UNC13A: variants seen among roughly 807,000 people sequenced by gnomAD.
UNC13A encodes protein unc-13 homolog A.
A neutral mutation model predicts 219.7 loss-of-function variants in UNC13A; 61 were observed. That is an observed-to-expected ratio of 0.28 (90% CI 0.23 to 0.34). The LOEUF (loss-of-function observed/expected upper bound fraction) is 0.34. UNC13A is among the 10% of genes least tolerant of loss of function. UNC13A has a pLI of 1.00. For missense variants in UNC13A, 1,476 were observed against 2,270.3 expected (o/e 0.65, Z 7.11); for synonymous variants, 920 against 884.6 (o/e 1.04, Z -0.71).
chr19:17,658,479 G>C (rs548891982), intron 8 of UNC13A, among the ~76,000 whole-genome samples: 106 of 152,260 alleles, frequency 7.0e-4, no homozygotes, highest in Middle Eastern at 3.4e-3. Context: ...GGTCAAATTG[G>C]ACCTAAAGTC....
chr19:17,678,221 G>A (rs551307675), intron 1 of UNC13A, among the ~76,000 whole-genome samples: 1 of 152,292 alleles, frequency 6.6e-6, no homozygotes, highest in South Asian at 2.1e-4. Context: ...GCTCATGCCT[G>A]TAATCCCAGC....
At chr19:17,608,654 A>C (rs2076566577) in intron 43 of UNC13A, among the ~76,000 whole-genome samples, 1 of 150,830 alleles carries the variant, frequency 6.6e-6, no homozygotes, top group Non-Finnish European at 1.5e-5. Flanking sequence ...AGTAGCTGGG[A>C]CTACAGGCGC....
In UNC13A at chr19:17,621,992, G is replaced by A; in HGVS notation, c.4204-122C>T. 3 of 957,954 alleles carry A rather than the reference G, an allele frequency of 3.1e-6. No homozygotes were observed. The South Asian group carries it at 4.0e-5, about 13-fold the overall frequency. The allele number at this position is 957,954 out of a possible 1,614,324, so 59.3% of individuals were successfully genotyped here. On this transcript the variant is annotated intron_variant, in intron 36 of 43. Coordinates refer to ENST00000519716, the MANE Select transcript of UNC13A (RefSeq NM_001080421.3). ...ACACTGCACAGGGTACTGGTGACTG[G>A]GTTGCATGGGGATAGTGTGTTTGTG...
In UNC13A at chr19:17,604,638, C is replaced by A. The variant is rs1238323479; in HGVS notation, c.*1416G>T. ...AGCAGAAAAAGGCGTGCCATACACA[C>A]ATGTGGAAAAGCAGATCCCAGAGCA... On this transcript the variant is annotated 3_prime_UTR_variant, in exon 44 of 44. Transcript: ENST00000519716. The A allele has an allele frequency of 6.6e-6, 1 of 152,442 alleles. No individual in the cohort carries two copies. Among genetic ancestry groups the A allele is most frequent in the East Asian group, 1.9e-4 (1 of 5,190 alleles). The allele number at this position is 152,442 out of a possible 1,614,324, so 9.4% of individuals were successfully genotyped here.
chr19:17,656,060 G>A lies in UNC13A; in HGVS notation c.1106C>T (p.Pro369Leu). ...GAGGCTGATGCGTTTGAAGTCTTTG[G>A]GCTCAGCCACAGCTACGTCTTCACG... ...AQREDVAVAE[P>L]KDFKRISLPP... is the part of the protein sequence containing the mutation. The change falls in exon 10 of 44, where the codon CCC (proline) becomes CTC (leucine). Residue 369 changes from proline to leucine, a missense_variant. This residue lies in a region of UNC13A where 351 missense variants were observed against 342.6 expected (regional missense o/e 1.02). Coordinates refer to ENST00000519716, the MANE Select transcript of UNC13A (RefSeq NM_001080421.3). 1 of 1,556,352 alleles carries A rather than the reference G, an allele frequency of 6.4e-7. No homozygotes were observed. Among genetic ancestry groups the A allele is most frequent in the South Asian group, 1.2e-5 (1 of 84,472 alleles).
chr19:17,675,505 G>A (rs1339129832), intron 2 of UNC13A, among the ~76,000 whole-genome samples: 3 of 151,274 alleles, frequency 2.0e-5, no homozygotes, highest in Non-Finnish European at 4.4e-5. Context: ...GGTAGAGGGC[G>A]CCTGTAATCC....
chr19:17,624,892 C>T lies in UNC13A; in HGVS notation c.4134G>A (p.Leu1378=), dbSNP rs1221382444. Residue 1378 remains leucine, a synonymous_variant, in exon 35 of 44, where the codon CTG becomes CTA. Coordinates refer to ENST00000519716, the MANE Select transcript of UNC13A (RefSeq NM_001080421.3). ...CCATGGTGTTCATAACCAGCTTCCA[C>T]AGCTCCTTCAGCACTCGCTTCAGCA... is the stretch of plus-strand genomic sequence containing the variant. ...KTVLKRVLKE[L]WKLVMNTMEK... The T allele has an allele frequency of 6.2e-7, 1 of 1,613,788 alleles. No individual in the cohort carries two copies. The highest frequency in any genetic ancestry group is 8.5e-7 in the Non-Finnish European group (1 of 1,179,804).
At chr19:17,619,357 T>C (rs954374) in intron 38 of UNC13A, among the ~76,000 whole-genome samples, 79,748 of 151,612 alleles carry the variant, frequency 0.53, 23,380 homozygotes, top group African/African-American at 0.78. Flanking sequence ...GGTCAAACAC[T>C]TCCTCCTCCT....
At chr19:17,628,509 C>A (rs1319656311) in intron 31 of UNC13A, among the ~76,000 whole-genome samples, 1 of 151,420 alleles carries the variant, frequency 6.6e-6, no homozygotes, top group Non-Finnish European at 1.5e-5. Flanking sequence ...GTTAACTCAG[C>A]CAGACAAAAC....
intron 31 of UNC13A, 84 bp downstream of exon 31, chr19:17,629,156 T>TGTCA (rs1734101809): frequency 8.6e-7 from 1 of 1,157,564 alleles, no homozygotes; most frequent in Non-Finnish European, 1.3e-6. Context: ...TAGCCCCAGG[T>TGTCA]GTCAGGGCCC....
rs147985709 is a variant in UNC13A, at chr19:17,675,516, C to G, written c.52+496G>C. Among the ~76,000 whole-genome samples, 793 of 151,292 alleles carry G rather than the reference C, an allele frequency of 5.2e-3. 8 individuals carry two copies. The highest frequency in any genetic ancestry group is 0.018 in the African/African-American group (746 of 41,234). On this transcript the variant is annotated intron_variant, in intron 2 of 43. Coordinates refer to ENST00000519716, the MANE Select transcript of UNC13A (RefSeq NM_001080421.3). ...GCGTGGTAGAGGGCGCCTGTAATCCCAGCTACTTGGGAGGCTGAGGCAGGA... is the reference window on the plus strand; with the variant it reads ...GCGTGGTAGAGGGCGCCTGTAATCCGAGCTACTTGGGAGGCTGAGGCAGGA...
intron 29 of UNC13A, 125 bp from the exon 30 acceptor site, chr19:17,630,413 G>T: frequency 6.9e-7 from 1 of 1,448,754 alleles, no homozygotes. Context: ...TGGACAGAGG[G>T]CGAGGTAGAC....
intron 16 of UNC13A, 109 bp downstream of exon 16, chr19:17,648,318 GCCCC>G: frequency 1.1e-5 from 1 of 90,268 alleles, no homozygotes; most frequent in Non-Finnish European, 1.8e-5. Context: ...CCCGCCCCTT[GCCCC>G]GCCCCATGGT....
At position 17,676,022 on chromosome 19, in the gene UNC13A, A is replaced by G. The variant is rs909321045; in HGVS notation, c.42T>C (p.Asp14=). 5 of 1,551,518 alleles carry G rather than the reference A, an allele frequency of 3.2e-6. No homozygotes were observed. The African/African-American group carries it at 5.5e-5, about 17-fold the overall frequency. ...LCVGVKKAKF[D]GAQEKFNTYV... ...AGAGAAGCCACTTACCTTGGGCACC[A>G]TCAAACTTGGCTTTTTTGACTGTGG... is the stretch of plus-strand genomic sequence containing the variant. The change falls in exon 2 of 44, where the codon GAT becomes GAC. Residue 14 remains aspartate, a synonymous_variant. Coordinates refer to ENST00000519716, the MANE Select transcript of UNC13A (RefSeq NM_001080421.3).
At chr19:17,670,801 G>A (rs1196939587) in intron 4 of UNC13A, among the ~76,000 whole-genome samples, 1 of 151,872 alleles carries the variant, frequency 6.6e-6, no homozygotes, top group Admixed American at 6.6e-5. Flanking sequence ...CTACTCAGGA[G>A]GTTGAGGCAG....
In UNC13A at chr19:17,607,569, C is replaced by A. The variant is rs558973157; in HGVS notation, c.4812-1215G>T. On this transcript the variant is annotated intron_variant, in intron 43 of 43. Transcript: ENST00000519716. Reference sequence around the variant, plus strand: ...TTGGAATTACAAGCGTCAGCCACCGCGCCTGGCCCATAGTTTTTTGTTTTT... The same window carrying A: ...TTGGAATTACAAGCGTCAGCCACCGAGCCTGGCCCATAGTTTTTTGTTTTT... Among the ~76,000 whole-genome samples the A allele has an allele frequency of 8.1e-5, 12 of 148,244 alleles. No homozygotes were observed. In the East Asian group the frequency reaches 2.5e-3, roughly 31 times the overall value.
Position 17,610,082 on chromosome 19 carries a change from G to A in UNC13A, c.4669C>T (p.Leu1557Phe). 6.2e-7 allele frequency: 1 copy of A among 1,614,064 alleles called. No homozygotes were observed. The highest frequency in any genetic ancestry group is 8.5e-7 in the Non-Finnish European group (1 of 1,179,908). ...VTVKVVAAND[L>F]KWQTSGIFRP... ...AAGATGCCAGAAGTCTGCCACTTGAGGTCATTGGCAGCCACCACTGTTGGA... is the reference window on the plus strand; with the variant it reads ...AAGATGCCAGAAGTCTGCCACTTGAAGTCATTGGCAGCCACCACTGTTGGA... The change falls in exon 43 of 44, where the codon CTC becomes TTC. Residue 1557 changes from leucine (L) to phenylalanine (F), a missense_variant. Leu to Phe is a conservative substitution (Grantham distance 22, BLOSUM62 0). Around this residue, in one of 14 missense-constraint regions of UNC13A, gnomAD observed 77 missense variants for 94.8 expected, o/e 0.81. Coordinates refer to ENST00000519716, the MANE Select transcript of UNC13A (RefSeq NM_001080421.3).
intron 11 of UNC13A, among the ~76,000 whole-genome samples, chr19:17,653,194 T>G (rs1340765596): frequency 6.7e-6 from 1 of 149,226 alleles, no homozygotes; most frequent in Non-Finnish European, 1.5e-5. Flanking sequence ...GGGTGTTTGG[T>G]TTTTTTTTAA....
intron 4 of UNC13A, among the ~76,000 whole-genome samples, 199 bp downstream of exon 4, chr19:17,672,178 GA>G (rs2079801779): frequency 6.6e-6 from 1 of 152,212 alleles, no homozygotes; most frequent in Admixed American, 6.5e-5. Context: ...CCACAAGGTG[GA>G]AGCCACATGG....
Sources: gnomAD v4.1 joint callset for allele counts (sites outside exome capture counted in the v4.1 genomes callset) on GRCh38, gnomAD v4.1.1 for gene constraint, gnomAD v4.1.1 regional missense constraint, MANE v1.5 for transcripts, NCBI Gene and HGNC (gene_info 2026-07-23, HGNC 2026-07-21) for gene names.